Variants in FARS2 observed in about 807,000 individuals in gnomAD.
FARS2 encodes phenylalanine--tRNA ligase, mitochondrial.
FARS2 carries 40 observed loss-of-function variants against 46.4 expected under a neutral mutation model. The ratio of observed to expected loss-of-function variants is 0.86; its 90% CI spans 0.67 to 1.12. The LOEUF is 1.12. Among genes scored for constraint, FARS2 ranks in the 50% most tolerant of loss-of-function variants. The probability of loss-of-function intolerance (pLI) is 0.00; values close to 1 mark genes in which losing one functional copy is unlikely to be tolerated. For synonymous variants in FARS2, 234 were observed against 214.9 expected (o/e 1.09, Z -0.78); for missense variants, 513 against 567.9 (o/e 0.90, Z 0.98).
At chr6:5,754,990 T>C (rs1048315604) in intron 6 of FARS2, among the ~76,000 whole-genome samples, 5 of 152,192 alleles carry the variant, frequency 3.3e-5, no homozygotes, top group Non-Finnish European at 7.3e-5. Flanking sequence ...CTCTTTGTTC[T>C]CTCTACATTT....
At chr6:5,300,323 T>C (rs1307815026) in intron 1 of FARS2, among the ~76,000 whole-genome samples, 1 of 152,246 alleles carries the variant, frequency 6.6e-6, no homozygotes, top group East Asian at 1.9e-4. Context: ...CCAAATGTTA[T>C]GTCTGTTTAT....
upstream of FARS2, among the ~76,000 whole-genome samples, chr6:5,256,491 G>GAAAAAAAAAAAAAAAAAAAAAAAA (rs1161084364): frequency 2.3e-5 from 1 of 43,860 alleles, no homozygotes; most frequent in Non-Finnish European, 3.6e-5. Context: ...ATTTCAACTG[G>GAAAAAAAAAAAAAAAAAAAAAAAA]AAAAAAAAAA....
intron 6 of FARS2, among the ~76,000 whole-genome samples, chr6:5,643,189 CAG>C (rs1776909569): frequency 6.6e-6 from 1 of 152,182 alleles, no homozygotes; most frequent in Non-Finnish European, 1.5e-5. Context: ...AATTTTCTTT[CAG>C]GAGGAGGGAG....
intron 6 of FARS2, among the ~76,000 whole-genome samples, chr6:5,619,355 G>C (rs1355432998): frequency 6.6e-6 from 1 of 152,162 alleles, no homozygotes; most frequent in East Asian, 1.9e-4. Flanking sequence ...GGGCAGGTTT[G>C]AAAGGGTGGA....
chr6:5,738,618 TTAAAG>T (rs1289440905), intron 6 of FARS2, among the ~76,000 whole-genome samples: 6 of 152,208 alleles, frequency 3.9e-5, no homozygotes, highest in African/African-American at 2.4e-5. Context: ...TTATAAAAGC[TTAAAG>T]TAGTTTTTTT....
rs142458215 is a variant in FARS2 at position 5,496,777 on chromosome 6, C to T, written c.905-48403C>T. On this transcript the variant is annotated intron_variant, in intron 4 of 6. Transcript: ENST00000274680. ...AATTACCTCTTTAAAGGCTGTATCA[C>T]GTTCTGAGGTCCTGGGGGTTAGGAC... 1.0e-3 allele frequency among the ~76,000 whole-genome samples: 159 copies of T among 152,276 alleles called. 1 individual carries two copies. Among genetic ancestry groups the T allele is most frequent in the Middle Eastern group, 6.8e-3 (2 of 294 alleles).
chr6:5,480,695 T>C (rs190236544), intron 4 of FARS2, among the ~76,000 whole-genome samples: 1 of 152,314 alleles, frequency 6.6e-6, no homozygotes, highest in East Asian at 1.9e-4. Flanking sequence ...TCTCTGCCAC[T>C]CTGTCCCCTT....
intron 1 of FARS2, among the ~76,000 whole-genome samples, chr6:5,321,391 G>C (rs1412850651): frequency 6.6e-6 from 1 of 152,212 alleles, no homozygotes; most frequent in African/African-American, 2.4e-5. Context: ...GATGGGTGGG[G>C]CTTCTGCATG....
intron 1 of FARS2, among the ~76,000 whole-genome samples, chr6:5,346,479 C>T (rs1757236411): frequency 6.6e-6 from 1 of 152,134 alleles, no homozygotes; most frequent in East Asian, 1.9e-4. Context: ...CCTGAGCATC[C>T]CCTGAGGTAT....
At chr6:5,449,517 C>T (rs999497743) in intron 4 of FARS2, among the ~76,000 whole-genome samples, 2 of 152,048 alleles carry the variant, frequency 1.3e-5, no homozygotes, top group African/African-American at 2.4e-5. Flanking sequence ...ATTAAATTTA[C>T]TAGAATTCAT....
At chr6:5,612,826 G>A (rs1775262180) in intron 5 of FARS2, among the ~76,000 whole-genome samples, 2 of 152,122 alleles carry the variant, frequency 1.3e-5, no homozygotes, top group African/African-American at 4.8e-5. Flanking sequence ...TGAATTGCAT[G>A]TTAATTAAAT....
intron 5 of FARS2, among the ~76,000 whole-genome samples, chr6:5,575,037 A>G (rs1278574967): frequency 6.6e-6 from 1 of 152,228 alleles, no homozygotes; most frequent in African/African-American, 2.4e-5. Flanking sequence ...TTGTTGGTTC[A>G]TTAACATTGA....
chr6:5,299,901 A>T (rs777138470), intron 1 of FARS2, among the ~76,000 whole-genome samples: 16 of 152,146 alleles, frequency 1.1e-4, no homozygotes, highest in Non-Finnish European at 2.1e-4. Context: ...CTCAGTCTCG[A>T]TAGTCACATA....
At position 5,695,542 on chromosome 6, in the gene FARS2, G is replaced by A. The variant is rs117152748; in HGVS notation, c.1218-75749G>A. ...CCACATTATTTTACTTGGTCTTGAC[G>A]AGAAGCCTTTAAAGGCACTTTTATT... On this transcript the variant is annotated intron_variant, in intron 6 of 6. Coordinates refer to ENST00000274680, the MANE Select transcript of FARS2 (RefSeq NM_006567.5). Among the ~76,000 whole-genome samples, 28 of 152,328 alleles carry A rather than the reference G, an allele frequency of 1.8e-4. 1 individual carries two copies. In the East Asian group the frequency reaches 4.8e-3, roughly 26 times the overall value.
chr6:5,752,089 A>T (rs1035936597), intron 6 of FARS2, among the ~76,000 whole-genome samples: 1 of 152,118 alleles, frequency 6.6e-6, no homozygotes, highest in Non-Finnish European at 1.5e-5. Context: ...TAAGTGATTT[A>T]TACGAAACAC....
At chr6:5,387,989 A>G (rs1193919311) in intron 2 of FARS2, among the ~76,000 whole-genome samples, 1 of 152,172 alleles carries the variant, frequency 6.6e-6, no homozygotes, top group Non-Finnish European at 1.5e-5. Flanking sequence ...TTATCCTATT[A>G]TTATCATCTT....
At chr6:5,308,958 G>A (rs1321164821) in intron 1 of FARS2, among the ~76,000 whole-genome samples, 2 of 152,126 alleles carry the variant, frequency 1.3e-5, no homozygotes, top group Admixed American at 6.5e-5. Flanking sequence ...TCAGGCCTTT[G>A]TAATAAGGGC....
At chr6:5,267,803 G>A (rs558056597) in intron 1 of FARS2, among the ~76,000 whole-genome samples, 1 of 150,400 alleles carries the variant, frequency 6.6e-6, no homozygotes, top group Non-Finnish European at 1.5e-5. Context: ...GGTTGAACTA[G>A]TTTACACTCC....
intron 6 of FARS2, among the ~76,000 whole-genome samples, chr6:5,749,270 A>G: frequency 6.6e-6 from 1 of 152,216 alleles, no homozygotes; most frequent in Non-Finnish European, 1.5e-5. Context: ...AGGACAACAG[A>G]GTGAGGAAGT....
Sources: gnomAD v4.1 joint callset for allele counts (sites outside exome capture counted in the v4.1 genomes callset) on GRCh38, gnomAD v4.1.1 for gene constraint, MANE v1.5 for transcripts, NCBI Gene and HGNC (gene_info 2026-07-23, HGNC 2026-07-21) for gene names.